ELK1: variants seen among roughly 807,000 people sequenced by gnomAD.
ELK1 encodes ETS domain-containing protein Elk-1.
For missense variants in ELK1, 254 were observed against 381.5 expected, an observed-to-expected ratio of 0.67 and a Z score of 2.78; for synonymous variants, 163 against 176.3, an observed-to-expected ratio of 0.92 and a Z score of 0.60.
In ELK1 at chrX:47,636,997, G is replaced by A. The variant is rs1400206038; in HGVS notation, c.1188+16C>T. On this transcript the variant is annotated intron_variant, in intron 6 of 6. Coordinates refer to ENST00000376983, the MANE Select transcript of ELK1 (RefSeq NM_001114123.3). ...GGGTCTCTCACCCTGTCCAAAACGG[G>A]GAAAGAGGATCCTACCTGGAAGGAG... 8.3e-7 allele frequency: 1 copy of A among 1,205,471 alleles called. No individual in the cohort carries two copies. Among genetic ancestry groups the A allele is most frequent in the African/African-American group, 1.8e-5 (1 of 56,932 alleles).
rs765230225 is a variant in ELK1 at position 47,637,737 on chromosome X, C to T, written c.1086+14G>A. ...GCTGGCGCCCACACACCCCACCCCT[C>T]CGCAGGCACTCACCAATGTATGCGT... is the stretch of plus-strand genomic sequence containing the variant. On this transcript the variant is annotated intron_variant, in intron 5 of 6. Coordinates refer to ENST00000376983, the MANE Select transcript of ELK1 (RefSeq NM_001114123.3). The T allele has an allele frequency of 9.5e-5, 112 of 1,176,085 alleles. No individual in the cohort carries two copies. Among genetic ancestry groups the T allele is most frequent in the Non-Finnish European group, 1.2e-4 (108 of 876,244 alleles).
intron 3 of ELK1, among the ~76,000 whole-genome samples, chrX:47,640,270 T>C (rs1220328311): frequency 9.1e-6 from 1 of 110,238 alleles, no homozygotes; most frequent in Admixed American, 9.7e-5. Context: ...AGGAATAAAA[T>C]ATGAAAATGG....
rs1236583483 is a variant in ELK1 at position 47,636,890 on chromosome X, G to C, written c.1226C>G (p.Ser409Cys). The C allele has an allele frequency of 8.5e-7, 1 of 1,171,135 alleles. No individual in the cohort carries two copies. The highest frequency in any genetic ancestry group is 1.8e-5 in the African/African-American group (1 of 55,965). Reference sequence around the variant, plus strand: ...GGTCGAGAGGCCATCCACGCTGATAGAAGGGATGTGCACCTGGGCGCTGCC... The same window carrying C: ...GGTCGAGAGGCCATCCACGCTGATACAAGGGATGTGCACCTGGGCGCTGCC... ...SSGSAQVHIPSISVDGLSTPV... is the reference protein window; with the variant it reads ...SSGSAQVHIPCISVDGLSTPV... The change falls in exon 7 of 7, where the codon TCT becomes TGT. Residue 409 changes from serine (S) to cysteine (C), a missense_variant. By Grantham distance (112) the Ser-to-Cys change is moderately radical (BLOSUM62 -1). Coordinates refer to ENST00000376983, the MANE Select transcript of ELK1 (RefSeq NM_001114123.3).
At chrX:47,644,042 T>C (rs2058036210) in intron 2 of ELK1, among the ~76,000 whole-genome samples, 1 of 112,194 alleles carries the variant, frequency 8.9e-6, no homozygotes, top group East Asian at 2.8e-4. Context: ...ATTATACAAG[T>C]CACAAAGCCA....
chrX:47,644,588 A>C (rs1022423498), intron 2 of ELK1, among the ~76,000 whole-genome samples: 7 of 110,598 alleles, frequency 6.3e-5, no homozygotes, highest in African/African-American at 2.3e-4. Context: ...GTCGCCAAGG[A>C]GGGGACAACT....
intron 2 of ELK1, among the ~76,000 whole-genome samples, chrX:47,648,688 G>C (rs1015790419): frequency 2.7e-5 from 3 of 112,385 alleles, no homozygotes; most frequent in Admixed American, 9.4e-5. Context: ...GCACAGTAAG[G>C]GGGTGGGAAG....
At chrX:47,648,691 G>A (rs751722453) in intron 2 of ELK1, among the ~76,000 whole-genome samples, 2 of 112,473 alleles carry the variant, frequency 1.8e-5, no homozygotes, top group Non-Finnish European at 3.8e-5. Flanking sequence ...CAGTAAGGGG[G>A]TGGGAAGGTA....
At chrX:47,637,163 G>A in intron 5 of ELK1, 49 bp from the exon 6 acceptor site, 1 of 1,126,328 alleles carries the variant, frequency 8.9e-7, no homozygotes. Context: ...AGTAGATGTG[G>A]GATGCTGGAA....
rs1235524850 is a variant in ELK1, at chrX:47,638,915, C to T, written c.634G>A (p.Glu212Lys). 8.3e-7 allele frequency: 1 copy of T among 1,204,974 alleles called. No homozygotes were observed. Among genetic ancestry groups the T allele is most frequent in the East Asian group, 3.0e-5 (1 of 33,615 alleles). Residue 212 changes from glutamate to lysine, a missense_variant, in exon 4 of 7, where the codon GAG becomes AAG. By Grantham distance (56) the Glu-to-Lys change is moderately conservative (BLOSUM62 1). Coordinates refer to ENST00000376983, the MANE Select transcript of ELK1 (RefSeq NM_001114123.3). ...CTTACCTGCAGAGGCAAGCCGGCCT[C>T]TTCAGCCTCCAGACAGGCCTCCAAG... ...SPLEACLEAEEAGLPLQVILT... is the reference protein window; with the variant it reads ...SPLEACLEAEKAGLPLQVILT...
chrX:47,648,687 G>T (rs766250857), intron 2 of ELK1, among the ~76,000 whole-genome samples: 3 of 112,529 alleles, frequency 2.7e-5, no homozygotes, highest in Admixed American at 9.4e-5. Context: ...AGCACAGTAA[G>T]GGGGTGGGAA....
intron 3 of ELK1, among the ~76,000 whole-genome samples, chrX:47,640,388 T>G (rs747256389): frequency 9.0e-6 from 1 of 111,425 alleles, no homozygotes; most frequent in South Asian, 3.8e-4. Flanking sequence ...GTCAGATATG[T>G]CACAGGGTGG....
At chrX:47,644,225 C>T (rs772179742) in intron 2 of ELK1, among the ~76,000 whole-genome samples, 7 of 111,786 alleles carry the variant, frequency 6.3e-5, no homozygotes, top group Non-Finnish European at 1.3e-4. Flanking sequence ...TGAAAGGTGA[C>T]GGTGGGCTTC....
At chrX:47,646,817 G>A (rs1197278293) in intron 2 of ELK1, among the ~76,000 whole-genome samples, 1 of 111,592 alleles carries the variant, frequency 9.0e-6, no homozygotes, top group Non-Finnish European at 1.9e-5. Context: ...GCACTATCTG[G>A]CTCCCATCAC....
At chrX:47,645,152 T>C (rs1451433130) in intron 2 of ELK1, among the ~76,000 whole-genome samples, 1 of 109,121 alleles carries the variant, frequency 9.2e-6, no homozygotes, top group Non-Finnish European at 1.9e-5. Context: ...TGCAGGAGAG[T>C]AAGTTTTGAG....
In ELK1 at chrX:47,636,593, G is replaced by A. The variant is rs986915684; in HGVS notation, c.*236C>T. 1.7e-5 allele frequency: 6 copies of A among 356,734 alleles called. No homozygotes were observed. Among genetic ancestry groups the A allele is most frequent in the African/African-American group, 5.2e-5 (2 of 38,790 alleles). The allele number at this position is 356,734 out of a possible 1,213,427, so 29.4% of individuals were successfully genotyped here. ...CGCCCCTACCATTGAAGTAGGAGAC[G>A]TGTAAGGGCGGCCACTGGGGGACTG... On this transcript the variant is annotated 3_prime_UTR_variant, in exon 7 of 7. Coordinates refer to ENST00000376983, the MANE Select transcript of ELK1 (RefSeq NM_001114123.3).
At chrX:47,637,236 T>G in intron 5 of ELK1, 122 bp from the exon 6 acceptor site, 2 of 665,253 alleles carry the variant, frequency 3.0e-6, no homozygotes, top group Non-Finnish European at 2.4e-6. Flanking sequence ...CTCCCCAAAG[T>G]GCACACACCT....
intron 2 of ELK1, among the ~76,000 whole-genome samples, chrX:47,645,312 T>C (rs2058040143): frequency 8.9e-6 from 1 of 111,785 alleles, no homozygotes; most frequent in South Asian, 3.7e-4. Flanking sequence ...ATTTAACTCA[T>C]TGAATCCTCA....
At chrX:47,643,820 G>A (rs761721367) in intron 2 of ELK1, among the ~76,000 whole-genome samples, 13 of 111,062 alleles carry the variant, frequency 1.2e-4, no homozygotes, top group African/African-American at 1.6e-4. Flanking sequence ...AAATGTCTAC[G>A]TACCTTCCAC....
chrX:47,646,338 C>T (rs1400872969), intron 2 of ELK1, among the ~76,000 whole-genome samples: 1 of 110,693 alleles, frequency 9.0e-6, no homozygotes, highest in African/African-American at 3.3e-5. Flanking sequence ...GGTTTTTTTT[C>T]GGAGACGGGG....
Sources: gnomAD v4.1 joint callset for allele counts (sites outside exome capture counted in the v4.1 genomes callset) on GRCh38, gnomAD v4.1.1 for gene constraint, MANE v1.5 for transcripts, NCBI Gene and HGNC (gene_info 2026-07-23, HGNC 2026-07-21) for gene names.